Variants in MARCHF3 observed in about 807,000 individuals in gnomAD.
MARCHF3 encodes E3 ubiquitin-protein ligase MARCHF3.
A neutral mutation model predicts 24.2 loss-of-function variants in MARCHF3; 13 were observed. The ratio of observed to expected loss-of-function variants is 0.54; its 90% CI spans 0.35 to 0.85. The LOEUF (loss-of-function observed/expected upper bound fraction) is 0.85. Ranked by LOEUF, MARCHF3 falls within the 40% of genes least tolerant of loss-of-function variation. MARCHF3 has a pLI of 0.01. For missense variants in MARCHF3, 276 were observed against 325.0 expected, an observed-to-expected ratio of 0.85 and a Z score of 1.16; for synonymous variants, 144 against 137.3, an observed-to-expected ratio of 1.05 and a Z score of -0.34.
At chr5:126,980,747 CA>C (rs1257201950) in intron 1 of MARCHF3, among the ~76,000 whole-genome samples, 1 of 152,166 alleles carries the variant, frequency 6.6e-6, no homozygotes. Context: ...CACCAGTTTG[CA>C]AACTTAGTTT....
chr5:126,915,156 C>G, intron 2 of MARCHF3, 22 bp from the exon 3 acceptor site: 1 of 1,609,100 alleles, frequency 6.2e-7, no homozygotes, highest in South Asian at 1.1e-5. Context: ...GGAGGGGCAC[C>G]TGCTGGTCAC....
chr5:126,888,799 C>G (rs1317628406), intron 3 of MARCHF3, among the ~76,000 whole-genome samples: 2 of 152,196 alleles, frequency 1.3e-5, no homozygotes, highest in African/African-American at 4.8e-5. Context: ...GAGTCTCGCT[C>G]TGTCACCCAG....
chr5:126,930,234 C>G (rs1749438709), intron 1 of MARCHF3, among the ~76,000 whole-genome samples: 3 of 152,178 alleles, frequency 2.0e-5, no homozygotes, highest in African/African-American at 7.2e-5. Flanking sequence ...GGAAGGAAGG[C>G]CAGATGCTGT....
chr5:126,919,217 C>A (rs1275210690), intron 1 of MARCHF3, among the ~76,000 whole-genome samples: 1 of 152,140 alleles, frequency 6.6e-6, no homozygotes, highest in Admixed American at 6.5e-5. Flanking sequence ...GTGAGGAACT[C>A]CACTGGATTC....
chr5:126,991,045 C>T (rs866813506), intron 1 of MARCHF3, among the ~76,000 whole-genome samples: 57 of 152,100 alleles, frequency 3.7e-4, no homozygotes, highest in African/African-American at 1.3e-3. Context: ...ATCCCATTAC[C>T]GGGTATATAC....
chr5:126,987,872 T>C (rs908933686), intron 1 of MARCHF3, among the ~76,000 whole-genome samples: 4 of 152,148 alleles, frequency 2.6e-5, no homozygotes, highest in African/African-American at 9.7e-5. Flanking sequence ...TAGAAACCCA[T>C]GATTTTACTT....
chr5:126,946,369 CAAAAAAAAAAAAA>C (rs951644505), intron 1 of MARCHF3: 2 of 65,762 alleles, frequency 3.0e-5, no homozygotes, highest in Non-Finnish European at 5.6e-5. Context: ...GAGATTCTGT[CAAAAAAAAAAAAA>C]AAAAAAAAGG....
chr5:127,005,786 G>A (rs1248731453), intron 1 of MARCHF3, among the ~76,000 whole-genome samples: 2 of 152,066 alleles, frequency 1.3e-5, no homozygotes, highest in South Asian at 2.1e-4. Context: ...TCATGTTCAT[G>A]CATACTTAAC....
At position 127,030,515 on chromosome 5, in the gene MARCHF3, G is replaced by C. The variant is rs573956183; in HGVS notation, c.-222C>G. ...GCCTGGCGGCCGCCGCGGCCACACAGTCGCCCACAGCGCGCTGACAATTCA... is the reference window on the plus strand; with the variant it reads ...GCCTGGCGGCCGCCGCGGCCACACACTCGCCCACAGCGCGCTGACAATTCA... On this transcript the variant is annotated 5_prime_UTR_variant, in exon 1 of 5. Transcript: ENST00000308660. 1.4e-3 allele frequency: 215 copies of C among 152,750 alleles called. 2 individuals carry two copies. The highest frequency in any genetic ancestry group is 8.5e-3 in the East Asian group (44 of 5,182). 9.5% of individuals were successfully genotyped at this position (152,750 alleles called of 1,614,324 possible). A position where few individuals can be genotyped will look rare whatever the true frequency, so the allele number is the denominator to read the frequency against.
At chr5:126,906,087 T>C (rs1159741626) in intron 3 of MARCHF3, among the ~76,000 whole-genome samples, 1 of 148,836 alleles carries the variant, frequency 6.7e-6, no homozygotes, top group Non-Finnish European at 1.5e-5. Context: ...GTGGTTTTTG[T>C]CTTTGGTTCT....
chr5:126,909,065 T>C (rs543826385), intron 3 of MARCHF3, among the ~76,000 whole-genome samples: 1 of 152,322 alleles, frequency 6.6e-6, no homozygotes, highest in East Asian at 1.9e-4. Flanking sequence ...TGCAGGTCTG[T>C]TGGAGTACCC....
At chr5:127,000,508 G>A (rs1232300366) in intron 1 of MARCHF3, among the ~76,000 whole-genome samples, 1 of 152,004 alleles carries the variant, frequency 6.6e-6, no homozygotes, top group African/African-American at 2.4e-5. Context: ...GTAACAAGTG[G>A]GACCAGGGAG....
intron 1 of MARCHF3, among the ~76,000 whole-genome samples, chr5:126,938,252 C>T: frequency 6.8e-6 from 1 of 147,326 alleles, no homozygotes; most frequent in Non-Finnish European, 1.5e-5. Context: ...ATTGCAATCT[C>T]TGCCTCCCAG....
chr5:126,872,748 C>T (rs115838755), intron 4 of MARCHF3, among the ~76,000 whole-genome samples: 161 of 152,254 alleles, frequency 1.1e-3, no homozygotes, highest in African/African-American at 3.5e-3. Flanking sequence ...GCAGATGCCA[C>T]GGGCCGAGTG....
chr5:127,002,752 C>T (rs1752168969), intron 1 of MARCHF3, among the ~76,000 whole-genome samples: 1 of 152,196 alleles, frequency 6.6e-6, no homozygotes, highest in African/African-American at 2.4e-5. Context: ...AGTGGATGGC[C>T]ATTAGCATCC....
At chr5:126,909,113 C>A (rs1754412244) in intron 3 of MARCHF3, among the ~76,000 whole-genome samples, 1 of 152,176 alleles carries the variant, frequency 6.6e-6, no homozygotes, top group South Asian at 2.1e-4. Flanking sequence ...GCTGGGGGTG[C>A]CTCCCAGTTA....
intron 1 of MARCHF3, among the ~76,000 whole-genome samples, chr5:126,922,305 C>A (rs1431498088): frequency 6.6e-6 from 1 of 152,144 alleles, no homozygotes; most frequent in Admixed American, 6.5e-5. Context: ...TCAGACTTTT[C>A]CTGAGATTTC....
chr5:126,946,141 T>G (rs1750000883), intron 1 of MARCHF3, among the ~76,000 whole-genome samples: 1 of 151,792 alleles, frequency 6.6e-6, no homozygotes. Context: ...GAGGCTGAGG[T>G]GGGTGGATCA....
chr5:126,892,565 G>A lies in MARCHF3; in HGVS notation c.394-14171C>T, dbSNP rs909137299. ...AGATACTCATGTGGTTTTTGTCTTTGGCTCTGTTTATATGCTGGATTACAT... is the reference window on the plus strand; with the variant it reads ...AGATACTCATGTGGTTTTTGTCTTTAGCTCTGTTTATATGCTGGATTACAT... On this transcript the variant is annotated intron_variant, in intron 3 of 4. Coordinates refer to ENST00000308660, the MANE Select transcript of MARCHF3 (RefSeq NM_178450.5). Among the ~76,000 whole-genome samples, 324 of 146,420 alleles carry A rather than the reference G, an allele frequency of 2.2e-3. 5 individuals are homozygous for A. The highest frequency in any genetic ancestry group is 0.02 in the South Asian group (79 of 4,024).
Sources: gnomAD v4.1 joint callset for allele counts (sites outside exome capture counted in the v4.1 genomes callset) on GRCh38, gnomAD v4.1.1 for gene constraint, MANE v1.5 for transcripts, NCBI Gene and HGNC (gene_info 2026-07-23, HGNC 2026-07-21) for gene names.